SRRM3: variants seen among roughly 807,000 people sequenced by gnomAD.
The protein encoded by SRRM3 is serine/arginine repetitive matrix 3, also known as serine/arginine repetitive matrix protein 3.
In SRRM3, 27 loss-of-function variants were observed where a neutral mutation model predicts 66.2. The ratio of observed to expected loss-of-function variants is 0.41; its 90% CI spans 0.30 to 0.56. The LOEUF (loss-of-function observed/expected upper bound fraction) is 0.56, where lower values mean the gene tolerates loss of function less well. Ranked by LOEUF, SRRM3 falls within the 20% of genes least tolerant of loss-of-function variation. The pLI, the probability that SRRM3 is intolerant of heterozygous loss-of-function variation, is 0.32. For synonymous variants in SRRM3, 391 were observed against 414.9 expected, an observed-to-expected ratio of 0.94 and a Z score of 0.70; for missense variants, 918 against 991.9, an observed-to-expected ratio of 0.93 and a Z score of 1.00.
At chr7:76,261,519 C>T in intron 7 of SRRM3, 27 bp from the exon 8 acceptor site, 1 of 1,610,146 alleles carries the variant, frequency 6.2e-7, no homozygotes, top group East Asian at 2.2e-5. Context: ...CAGGCAGGCT[C>T]AAGAGAACTC....
In SRRM3 at chr7:76,263,877, C is replaced by CAAAAA. The variant is rs781852712; in HGVS notation, c.675-864_675-860dup. ...AACAGAGCGGGACTCTGTCTCAAGA[C>CAAAAA]AAAAAAAAAAAAAAAAAAAAAAAAA... On this transcript the variant is annotated intron_variant, in intron 8 of 14. Transcript: ENST00000611745. Among the ~76,000 whole-genome samples the CAAAAA allele has an allele frequency of 1.3e-3, 63 of 49,522 alleles. 6 individuals carry two copies. Among genetic ancestry groups the CAAAAA allele is most frequent in the African/African-American group, 3.6e-3 (59 of 16,614 alleles). The allele number at this position is 49,522 out of a possible 152,430, so 32.5% of individuals were successfully genotyped here. A position where few individuals can be genotyped will look rare whatever the true frequency, so the allele number is the denominator to read the frequency against.
chr7:76,283,043 C>A lies in SRRM3; in HGVS notation c.1675C>A (p.Pro559Thr). 6.7e-7 allele frequency: 1 copy of A among 1,495,292 alleles called. No individual in the cohort carries two copies. The highest frequency in any genetic ancestry group is 1.3e-5 in the South Asian group (1 of 78,620). The allele number at this position is 1,495,292 out of a possible 1,614,324, so 92.6% of individuals were successfully genotyped here. The stretch of plus-strand genomic sequence containing the variant: ...CCGGCGCCGCTCCCGCAGCTACTCG[C>A]CCATCCGCAAGCGGCGCCGGGACTC... ...RARRRSRSYS[P>T]IRKRRRDSPS... is the part of the protein sequence containing the mutation. Residue 559 changes from proline (P) to threonine (T), a missense_variant, in exon 14 of 15, where the codon CCC becomes ACC. Transcript: ENST00000611745.
intron 11 of SRRM3, 34 bp downstream of exon 11, chr7:76,267,469 G>A (rs1554609954): frequency 7.6e-7 from 1 of 1,321,402 alleles, no homozygotes; most frequent in Non-Finnish European, 9.6e-7. Flanking sequence ...GGGTTCCCGC[G>A]CCGCGGGCTG....
chr7:76,275,945 C>T (rs868939772), intron 11 of SRRM3, among the ~76,000 whole-genome samples: 4 of 151,928 alleles, frequency 2.6e-5, no homozygotes, highest in Non-Finnish European at 4.4e-5. Flanking sequence ...CCAGACATGG[C>T]GGTGTGTACC....
intron 10 of SRRM3, 24 bp downstream of exon 10, chr7:76,265,492 T>C: frequency 1.3e-6 from 2 of 1,575,050 alleles, no homozygotes; most frequent in Admixed American, 1.7e-5. Context: ...TCTGGGAGGC[T>C]TTCTCCTGGT....
At chr7:76,232,671 T>G (rs949890441) in intron 1 of SRRM3, among the ~76,000 whole-genome samples, 1 of 151,604 alleles carries the variant, frequency 6.6e-6, no homozygotes, top group African/African-American at 2.4e-5. Context: ...TGAGGACAAC[T>G]AGGAATGAAG....
chr7:76,252,191 A>AG (rs1215567555), intron 3 of SRRM3, among the ~76,000 whole-genome samples: 4 of 152,356 alleles, frequency 2.6e-5, no homozygotes, highest in Admixed American at 1.3e-4. Flanking sequence ...TCGAGTCGGA[A>AG]GGGGATGAGT....
intron 3 of SRRM3, among the ~76,000 whole-genome samples, chr7:76,257,094 G>A (rs550754304): frequency 1.3e-5 from 2 of 152,164 alleles, no homozygotes; most frequent in East Asian, 1.9e-4. Flanking sequence ...CTCATCCTGC[G>A]ACTCAGAATG....
chr7:76,282,768 C>T lies in SRRM3; in HGVS notation c.1491C>T (p.Arg497=), dbSNP rs1490446887. The T allele has an allele frequency of 3.4e-6, 5 of 1,465,432 alleles. No individual in the cohort carries two copies. The Admixed American group carries it at 7.3e-5, about 21-fold the overall frequency. 90.8% of individuals were successfully genotyped at this position (1,465,432 alleles called of 1,614,324 possible). A position where few individuals can be genotyped will look rare whatever the true frequency, so the allele number is the denominator to read the frequency against. Residue 497 remains arginine, a synonymous_variant, in exon 13 of 15, where the codon CGC becomes CGT. Coordinates refer to ENST00000611745, the MANE Select transcript of SRRM3 (RefSeq NM_001110199.3). ...CGCGCAGCCCCGGCCCGCACCCCCGCTCCTGGAGCTCCAGCCGCTCGCCCT... is the reference window on the plus strand; with the variant it reads ...CGCGCAGCCCCGGCCCGCACCCCCGTTCCTGGAGCTCCAGCCGCTCGCCCT... The part of the protein sequence containing the change: ...SSSRSPGPHP[R]SWSSSRSPSK...
chr7:76,282,861 G>T lies in SRRM3; in HGVS notation c.1584G>T (p.Lys528Asn). 1 of 1,447,822 alleles carries T rather than the reference G, an allele frequency of 6.9e-7. No individual in the cohort carries two copies. The highest frequency in any genetic ancestry group is 3.1e-5 in the East Asian group (1 of 32,328). 89.7% of individuals were successfully genotyped at this position (1,447,822 alleles called of 1,614,324 possible). ...CCAGCCGCTCGCCGTCGCCCAAGAA[G>T]CCCCTCAGCCGGTGAGTGCCCGCCC... is the stretch of plus-strand genomic sequence containing the variant. ...HSPSRSPSPKKPLSRDKDGEG... is the reference protein window; with the variant it reads ...HSPSRSPSPKNPLSRDKDGEG... Residue 528 changes from lysine (K) to asparagine (N), a missense_variant, in exon 13 of 15, where the codon AAG becomes AAT. Physicochemically the swap from Lys to Asn is moderately conservative, Grantham distance 94 (BLOSUM62 0). Coordinates refer to ENST00000611745, the MANE Select transcript of SRRM3 (RefSeq NM_001110199.3).
At chr7:76,217,775 G>A (rs1800607135) in intron 1 of SRRM3, among the ~76,000 whole-genome samples, 1 of 152,142 alleles carries the variant, frequency 6.6e-6, no homozygotes, top group Non-Finnish European at 1.5e-5. Flanking sequence ...CCTTGTTCCA[G>A]CAGAATGTGG....
intron 1 of SRRM3, among the ~76,000 whole-genome samples, chr7:76,233,501 T>C (rs1554604437): frequency 4.6e-5 from 7 of 151,978 alleles, no homozygotes; most frequent in Non-Finnish European, 5.9e-5. Context: ...CGGAGCTCTG[T>C]TTGGGGCATG....
intron 11 of SRRM3, among the ~76,000 whole-genome samples, chr7:76,271,252 T>G (rs1554610506): frequency 6.6e-6 from 1 of 152,136 alleles, no homozygotes; most frequent in Admixed American, 6.6e-5. Flanking sequence ...GAGGATCACT[T>G]GAGGCCTGCA....
Position 76,283,103 on chromosome 7 carries a change from T to G in SRRM3, c.1733+2T>G. 1 of 1,441,722 alleles carries G rather than the reference T, an allele frequency of 6.9e-7. No individual in the cohort carries two copies. The highest frequency in any genetic ancestry group is 9.1e-7 in the Non-Finnish European group (1 of 1,103,112). The allele number at this position is 1,441,722 out of a possible 1,614,324, so 89.3% of individuals were successfully genotyped here. ...CATGGAGCCGCGGCGCATCACCAGGTATGGAGGGTCTTGGGGGGGCCGGTG... is the reference window on the plus strand; with the variant it reads ...CATGGAGCCGCGGCGCATCACCAGGGATGGAGGGTCTTGGGGGGGCCGGTG... On this transcript the variant is annotated splice_donor_variant, in intron 14 of 14. Coordinates refer to ENST00000611745, the MANE Select transcript of SRRM3 (RefSeq NM_001110199.3). LOFTEE classifies it high-confidence loss of function.
At chr7:76,267,569 C>G in intron 11 of SRRM3, 134 bp downstream of exon 11, 1 of 727,468 alleles carries the variant, frequency 1.4e-6, no homozygotes, top group Non-Finnish European at 1.9e-6. Flanking sequence ...TTCCTCCCTC[C>G]TCGGCTCCCC....
Position 76,285,868 on chromosome 7 carries a change from C to A in SRRM3, c.*25C>A. 3.3e-6 allele frequency: 5 copies of A among 1,534,068 alleles called. No individual in the cohort carries two copies. The highest frequency in any genetic ancestry group is 4.4e-6 in the Non-Finnish European group (5 of 1,136,002). ...AGCCCAGACAGACTCAGCTTGGTGC[C>A]CCCCTGGCACTGGGAGAGGCGAGGG... On this transcript the variant is annotated 3_prime_UTR_variant, in exon 15 of 15. Coordinates refer to ENST00000611745, the MANE Select transcript of SRRM3 (RefSeq NM_001110199.3). The surrounding 1 kb of genome is among the most constrained non-coding windows in gnomAD (Gnocchi z 4.1).
At chr7:76,221,114 G>C (rs11769086) in intron 1 of SRRM3, among the ~76,000 whole-genome samples, 7,157 of 150,530 alleles carry the variant, frequency 0.048, 235 homozygotes, top group Non-Finnish European at 0.072. Flanking sequence ...CTGGAGTGCA[G>C]TGGCGCAATC....
intron 1 of SRRM3, among the ~76,000 whole-genome samples, chr7:76,215,607 G>C (rs1260419126): frequency 1.4e-5 from 2 of 147,132 alleles, no homozygotes; most frequent in African/African-American, 5.0e-5. Flanking sequence ...TCAGGGTCTT[G>C]CTATGTTGCC....
intron 11 of SRRM3, among the ~76,000 whole-genome samples, chr7:76,270,889 C>T (rs781973450): frequency 9.3e-5 from 14 of 151,240 alleles, no homozygotes; most frequent in Non-Finnish European, 2.1e-4. Context: ...GCAGGAGGAT[C>T]GCTTGAACCC....
Sources: gnomAD v4.1 joint callset for allele counts (sites outside exome capture counted in the v4.1 genomes callset) on GRCh38, gnomAD v4.1.1 for gene constraint, Gnocchi (gnomAD v3.1) non-coding constraint, MANE v1.5 for transcripts, NCBI Gene and HGNC (gene_info 2026-07-23, HGNC 2026-07-21) for gene names.